CADPS: variants seen among roughly 807,000 people sequenced by gnomAD.
The protein encoded by CADPS is calcium dependent secretion activator, also known as calcium-dependent secretion activator 1.
In CADPS, 57 loss-of-function variants were observed where a neutral mutation model predicts 167.3. That is an observed-to-expected ratio of 0.34 (90% CI 0.28 to 0.42). The LOEUF is 0.42. Among genes scored for constraint, CADPS ranks in the 20% least tolerant of loss-of-function variants. The pLI is 1.00. For synonymous variants in CADPS, 676 were observed against 635.3 expected (o/e 1.06, Z -0.96); for missense variants, 1,414 against 1,738.1 (o/e 0.81, Z 3.32).
chr3:62,571,111 C>T (rs1384264611), intron 8 of CADPS, among the ~76,000 whole-genome samples, 173 bp from the exon 9 acceptor site: 5 of 152,170 alleles, frequency 3.3e-5, no homozygotes, highest in African/African-American at 1.2e-4. Context: ...GCACTTTTCA[C>T]TTCCACTTAC....
In CADPS at chr3:62,492,402, C is replaced by T. The variant is rs188157614; in HGVS notation, c.2772G>A (p.Thr924=). Residue 924 remains threonine (T), a synonymous_variant, in exon 20 of 30, where the codon ACG becomes ACA. Transcript: ENST00000383710. The part of the protein sequence containing the change: ...WSDLMVEHAE[T]FLSLFAVDMD... ...TGTCTACTGCAAAGAGTGACAGGAA[C>T]GTCTCCGCATGCTCCACCATTAAAT... The T allele has an allele frequency of 1.3e-5, 21 of 1,614,078 alleles. No individual in the cohort carries two copies. The highest frequency in any genetic ancestry group is 6.7e-5 in the Admixed American group (4 of 60,024).
chr3:62,840,708 A>C (rs531419430), intron 1 of CADPS, among the ~76,000 whole-genome samples: 2 of 152,296 alleles, frequency 1.3e-5, no homozygotes, highest in East Asian at 3.9e-4. Context: ...AGGCAGTAAT[A>C]CTTTTTATAA....
At chr3:62,591,359 G>GT (rs2085971834) in intron 7 of CADPS, among the ~76,000 whole-genome samples, 1 of 152,168 alleles carries the variant, frequency 6.6e-6, no homozygotes, top group Admixed American at 6.5e-5. Flanking sequence ...AGCAAATGAA[G>GT]GGGACTGAGC....
At chr3:62,584,880 C>T (rs904114850) in intron 8 of CADPS, among the ~76,000 whole-genome samples, 20 of 152,120 alleles carry the variant, frequency 1.3e-4, no homozygotes, top group Admixed American at 9.8e-4. Context: ...ACAAGGTACG[C>T]GGAGCCTGTA....
intron 1 of CADPS, among the ~76,000 whole-genome samples, chr3:62,827,934 C>G (rs1442799478): frequency 2.0e-5 from 3 of 152,128 alleles, no homozygotes; most frequent in Non-Finnish European, 4.4e-5. Context: ...ATCCTATAAA[C>G]TCAGTAGAAC....
chr3:62,668,050 T>C (rs2074801668), intron 3 of CADPS, among the ~76,000 whole-genome samples: 1 of 152,138 alleles, frequency 6.6e-6, no homozygotes, highest in African/African-American at 2.4e-5. Context: ...GCACTAACGA[T>C]GATAAGGAGG....
chr3:62,638,077 T>TTATATATATATA (rs928423543), intron 6 of CADPS, among the ~76,000 whole-genome samples: 1,653 of 36,174 alleles, frequency 0.046, 14 homozygotes, highest in East Asian at 0.12. Context: ...GTTTTAAGCA[T>TTATATATATATA]TATATATATA....
At chr3:62,510,236 A>G (rs1395398965) in intron 17 of CADPS, among the ~76,000 whole-genome samples, 8 of 145,252 alleles carry the variant, frequency 5.5e-5, no homozygotes, top group African/African-American at 1.3e-4. Context: ...CTGCCTGCCT[A>G]CCTAATTATT....
intron 1 of CADPS, among the ~76,000 whole-genome samples, chr3:62,771,783 C>T (rs755600011): frequency 6.6e-5 from 10 of 152,166 alleles, no homozygotes; most frequent in East Asian, 1.9e-4. Flanking sequence ...TTCTTGGTTC[C>T]GTCTACCTCA....
chr3:62,850,835 C>T (rs1490972010), intron 1 of CADPS, among the ~76,000 whole-genome samples: 1 of 151,206 alleles, frequency 6.6e-6, no homozygotes, highest in African/African-American at 2.4e-5. Context: ...TCCTTGTTGA[C>T]TTTCTGTCTC....
At chr3:62,460,762 A>G (rs1411862393) in intron 26 of CADPS, among the ~76,000 whole-genome samples, 1 of 152,198 alleles carries the variant, frequency 6.6e-6, no homozygotes, top group African/African-American at 2.4e-5. Context: ...AGGTGGCAAG[A>G]CAATCAAAAT....
Position 62,804,968 on chromosome 3 carries a change from C to T in CADPS, c.442-38984G>A, listed in dbSNP as rs139095054. 2.3e-3 allele frequency among the ~76,000 whole-genome samples: 352 copies of T among 151,956 alleles called. 4 individuals are homozygous for T. Among genetic ancestry groups the T allele is most frequent in the African/African-American group, 8.2e-3 (339 of 41,420 alleles). On this transcript the variant is annotated intron_variant, in intron 1 of 29. Coordinates refer to ENST00000383710, the MANE Select transcript of CADPS (RefSeq NM_003716.4). ...AACCAATATCAAGAAATATAGAGGC[C>T]CAAGGATGGAATCACAGAGATGAAA...
At chr3:62,827,328 A>T (rs1327259215) in intron 1 of CADPS, among the ~76,000 whole-genome samples, 1 of 152,210 alleles carries the variant, frequency 6.6e-6, no homozygotes, top group African/African-American at 2.4e-5. Context: ...GGGGACACCT[A>T]ATACCTTATG....
At chr3:62,796,256 C>A (rs1423182157) in intron 1 of CADPS, 1 of 152,226 alleles carries the variant, frequency 6.6e-6, no homozygotes, top group Non-Finnish European at 1.5e-5. Flanking sequence ...CCTTAGGCAA[C>A]CTGGTGGTCC....
chr3:62,636,899 TG>T (rs2066418393), intron 6 of CADPS, among the ~76,000 whole-genome samples: 1 of 152,126 alleles, frequency 6.6e-6, no homozygotes, highest in Non-Finnish European at 1.5e-5. Context: ...GAAAGCATTT[TG>T]GCAATGGTAC....
intron 6 of CADPS, among the ~76,000 whole-genome samples, chr3:62,640,454 T>G (rs1261519144): frequency 1.3e-5 from 2 of 152,176 alleles, no homozygotes; most frequent in African/African-American, 4.8e-5. Context: ...GTAATATATT[T>G]CACAGAAGAA....
chr3:62,848,239 C>T (rs1186516140), intron 1 of CADPS, among the ~76,000 whole-genome samples: 1 of 133,774 alleles, frequency 7.5e-6, no homozygotes, highest in African/African-American at 3.2e-5. Context: ...TGCCTGTTCA[C>T]TCTGATGGTA....
At chr3:62,795,859 A>G (rs181495424) in intron 1 of CADPS, among the ~76,000 whole-genome samples, 2 of 152,300 alleles carry the variant, frequency 1.3e-5, no homozygotes, top group Admixed American at 1.3e-4. Context: ...TGAAGGATCA[A>G]TGGGAGGTAA....
chr3:62,873,633 T>C (rs1386770722), intron 1 of CADPS, among the ~76,000 whole-genome samples: 2 of 151,322 alleles, frequency 1.3e-5, no homozygotes, highest in South Asian at 2.1e-4. Context: ...TTTTTTTTTT[T>C]TAACATCAAA....
Sources: gnomAD v4.1 joint callset for allele counts (sites outside exome capture counted in the v4.1 genomes callset) on GRCh38, gnomAD v4.1.1 for gene constraint, MANE v1.5 for transcripts, NCBI Gene and HGNC (gene_info 2026-07-23, HGNC 2026-07-21) for gene names.